ZDHHC15: variants seen among roughly 807,000 people sequenced by gnomAD.
ZDHHC15 encodes palmitoyltransferase ZDHHC15.
ZDHHC15 carries 19 observed loss-of-function variants against 31.7 expected under a neutral mutation model. That is an observed-to-expected ratio of 0.60 (90% CI 0.42 to 0.88). The LOEUF (loss-of-function observed/expected upper bound fraction) is 0.88. ZDHHC15 is among the 40% of genes least tolerant of loss of function. The pLI is 0.00. For missense variants in ZDHHC15, 209 were observed against 251.2 expected (o/e 0.83, Z 1.14); for synonymous variants, 103 against 90.0 (o/e 1.14, Z -0.82).
intron 2 of ZDHHC15, among the ~76,000 whole-genome samples, chrX:75,493,668 C>T (rs1407097076): frequency 8.9e-6 from 1 of 111,926 alleles, no homozygotes; most frequent in Admixed American, 9.5e-5. Flanking sequence ...ATAAACAGAA[C>T]CAACGACAAA....
rs1039997887 is a variant in ZDHHC15 at position 75,426,427 on chromosome X, T to C, written c.604-1643A>G. On this transcript the variant is annotated intron_variant, in intron 7 of 11. Coordinates refer to ENST00000373367, the MANE Select transcript of ZDHHC15 (RefSeq NM_144969.3). ...GCATATCTACTGTGTTGTCCCTTGA[T>C]AGAGTTCTTCTTAAACTTTTTTTTT... 2.7e-5 allele frequency among the ~76,000 whole-genome samples: 3 copies of C among 109,950 alleles called. No individual in the cohort carries two copies. In the Admixed American group the frequency reaches 2.9e-4, roughly 11 times the overall value.
intron 3 of ZDHHC15, among the ~76,000 whole-genome samples, chrX:75,451,854 C>T (rs1457253172): frequency 9.0e-6 from 1 of 111,089 alleles, no homozygotes; most frequent in Non-Finnish European, 1.9e-5. Flanking sequence ...CACCACCAGG[C>T]CTGCCCTAAA....
At chrX:75,505,870 G>GAGAC (rs769365939) in intron 1 of ZDHHC15, 23 bp from the exon 2 acceptor site, 16 of 1,161,210 alleles carry the variant, frequency 1.4e-5, no homozygotes, top group Non-Finnish European at 1.6e-5. Context: ...AGGAGAAAGA[G>GAGAC]AGACAGACAG....
intron 3 of ZDHHC15, among the ~76,000 whole-genome samples, chrX:75,466,694 C>A (rs1051947171): frequency 6.3e-5 from 7 of 111,035 alleles, no homozygotes; most frequent in African/African-American, 2.3e-4. Context: ...ACATATACAC[C>A]ATGGAATATT....
chrX:75,483,003 A>G (rs200872471), intron 2 of ZDHHC15, among the ~76,000 whole-genome samples: 23 of 66,058 alleles, frequency 3.5e-4, no homozygotes, highest in East Asian at 5.9e-3. Context: ...GTGTATGTGT[A>G]TATATATATA....
chrX:75,441,910 A>G (rs1182463715), intron 4 of ZDHHC15, among the ~76,000 whole-genome samples: 3 of 111,073 alleles, frequency 2.7e-5, no homozygotes, highest in African/African-American at 9.8e-5. Flanking sequence ...GGCATGAGCC[A>G]CCACACCCGG....
At chrX:75,508,545 C>T (rs184581983) in intron 1 of ZDHHC15, among the ~76,000 whole-genome samples, 100 of 109,622 alleles carry the variant, frequency 9.1e-4, no homozygotes, top group African/African-American at 3.0e-3. Context: ...TCCAGTCTAT[C>T]ACTGATGGAC....
At chrX:75,463,575 T>TACAACA (rs55847003) in intron 3 of ZDHHC15, among the ~76,000 whole-genome samples, 59,103 of 100,505 alleles carry the variant, frequency 0.59, 15,358 homozygotes, top group Middle Eastern at 0.81. Context: ...AACTCAAATT[T>TACAACA]ACAACAACAA....
intron 10 of ZDHHC15, 28 bp downstream of exon 10, chrX:75,417,059 G>A: frequency 9.1e-7 from 1 of 1,098,903 alleles, no homozygotes; most frequent in Non-Finnish European, 1.3e-6. Flanking sequence ...GTATTAATGT[G>A]GACTTCATAG....
At chrX:75,506,091 A>G (rs1385972402) in intron 1 of ZDHHC15, among the ~76,000 whole-genome samples, 1 of 111,793 alleles carries the variant, frequency 8.9e-6, no homozygotes, top group Non-Finnish European at 1.9e-5. Flanking sequence ...TTCAATCATG[A>G]GAAGCTGCTT....
intron 1 of ZDHHC15, among the ~76,000 whole-genome samples, chrX:75,510,514 T>C (rs1033318266): frequency 1.1e-4 from 10 of 92,890 alleles, no homozygotes; most frequent in Non-Finnish European, 4.4e-5. Context: ...TTTATATTTC[T>C]TCTCTCTTCG....
chrX:75,399,469 C>A (rs1240933602), intron 10 of ZDHHC15, among the ~76,000 whole-genome samples: 1 of 112,079 alleles, frequency 8.9e-6, no homozygotes, highest in Non-Finnish European at 1.9e-5. Context: ...GACAGGGAAC[C>A]CCTGGCTTGG....
intron 3 of ZDHHC15, among the ~76,000 whole-genome samples, chrX:75,454,618 T>C (rs2084184551): frequency 9.0e-6 from 1 of 111,257 alleles, no homozygotes; most frequent in Non-Finnish European, 1.9e-5. Flanking sequence ...TTTTTAATGA[T>C]TGCCATTCTA....
chrX:75,468,970 A>G lies in ZDHHC15; in HGVS notation c.258+9921T>C, dbSNP rs147528104. On this transcript the variant is annotated intron_variant, in intron 3 of 11. Transcript: ENST00000373367. ...ATATATTCTGAACACTTGACACATC[A>G]GATACATGACTTGCAAATATTTTCT... Among the ~76,000 whole-genome samples, 486 of 111,933 alleles carry G rather than the reference A, an allele frequency of 4.3e-3. 2 individuals are homozygous for G. Among genetic ancestry groups the G allele is most frequent in the African/African-American group, 0.015 (467 of 30,897 alleles).
chrX:75,456,811 A>T (rs1261742553), intron 3 of ZDHHC15, among the ~76,000 whole-genome samples: 2 of 111,229 alleles, frequency 1.8e-5, no homozygotes, highest in African/African-American at 6.5e-5. Context: ...ACCAAACATA[A>T]CAGCAACGGG....
chrX:75,489,200 C>T (rs778356267), intron 2 of ZDHHC15, among the ~76,000 whole-genome samples: 1 of 112,139 alleles, frequency 8.9e-6, no homozygotes, highest in African/African-American at 3.2e-5. Flanking sequence ...GCAGAATCCT[C>T]TGCAGACTTA....
At chrX:75,388,449 T>C (rs2181549) in intron 10 of ZDHHC15, among the ~76,000 whole-genome samples, 20,142 of 111,342 alleles carry the variant, frequency 0.18, 1,973 homozygotes, top group East Asian at 0.85. Context: ...TGAAGTTAAA[T>C]TGTAGAATTT....
chrX:75,429,035 G>A (rs758449533), intron 7 of ZDHHC15, 43 bp downstream of exon 7: 1 of 1,196,786 alleles, frequency 8.4e-7, no homozygotes, highest in South Asian at 1.8e-5. Context: ...TGGAGTGGGT[G>A]TGCATTTGTT....
intron 3 of ZDHHC15, among the ~76,000 whole-genome samples, chrX:75,473,843 G>C (rs2084544198): frequency 1.8e-5 from 2 of 111,695 alleles, no homozygotes; most frequent in African/African-American, 6.5e-5. Context: ...CCTTTATCAT[G>C]TGACATAAGA....
Sources: allele counts gnomAD v4.1 joint callset (sites outside exome capture counted in the v4.1 genomes callset), GRCh38; gene constraint gnomAD v4.1.1; transcripts MANE v1.5; gene names NCBI Gene and HGNC (gene_info 2026-07-23, HGNC 2026-07-21).